SGCD: variants seen among roughly 807,000 people sequenced by gnomAD.
The protein encoded by SGCD is sarcoglycan delta, also known as delta-sarcoglycan.
SGCD carries 18 observed loss-of-function variants against 36.6 expected under a neutral mutation model. The observed-to-expected ratio is 0.49, with a 90% confidence interval of 0.34 to 0.73. The LOEUF (loss-of-function observed/expected upper bound fraction) is 0.73, where lower values mean the gene tolerates loss of function less well. Among genes scored for constraint, SGCD ranks in the 30% least tolerant of loss-of-function variants. The probability of loss-of-function intolerance (pLI) is 0.01; values close to 1 mark genes in which losing one functional copy is unlikely to be tolerated. For synonymous variants in SGCD, 133 were observed against 130.6 expected, an observed-to-expected ratio of 1.02 and a Z score of -0.12; for missense variants, 387 against 346.7, an observed-to-expected ratio of 1.12 and a Z score of -0.92.
At chr5:155,924,538 G>A (rs2113380117) in intron 1 of SGCD, among the ~76,000 whole-genome samples, 1 of 152,302 alleles carries the variant, frequency 6.6e-6, no homozygotes, top group South Asian at 2.1e-4. Context: ...GATAAAACAT[G>A]AAATTGGGAA....
intron 7 of SGCD, among the ~76,000 whole-genome samples, chr5:156,655,989 T>C (rs1158572963): frequency 6.6e-6 from 1 of 152,128 alleles, no homozygotes; most frequent in Non-Finnish European, 1.5e-5. Flanking sequence ...CTGTAAAGTT[T>C]CCTTGTAGGA....
the SGCD span, among the ~76,000 whole-genome samples, chr5:155,849,747 T>C: frequency 6.6e-6 from 1 of 152,220 alleles, no homozygotes; most frequent in Non-Finnish European, 1.5e-5. Flanking sequence ...CATTCCATTA[T>C]GTCAGACAGT....
At chr5:156,279,287 A>G (rs1039518722) in intron 3 of SGCD, among the ~76,000 whole-genome samples, 1 of 152,196 alleles carries the variant, frequency 6.6e-6, no homozygotes, top group Non-Finnish European at 1.5e-5. Flanking sequence ...TAAAATTTAC[A>G]TGTGACAAAT....
chr5:155,752,566 C>T, the SGCD span, among the ~76,000 whole-genome samples: 1 of 152,158 alleles, frequency 6.6e-6, no homozygotes, highest in Admixed American at 6.6e-5. Flanking sequence ...CAGTTACTTC[C>T]CCATTTTCCT....
intron 1 of SGCD, among the ~76,000 whole-genome samples, chr5:156,074,015 A>G (rs10475666): frequency 0.019 from 2,819 of 152,346 alleles, 80 homozygotes; most frequent in African/African-American, 0.064. Context: ...GAGTAGAAGT[A>G]GAGAGGTTGT....
intron 1 of SGCD, among the ~76,000 whole-genome samples, chr5:155,963,183 G>A (rs954585530): frequency 3.9e-5 from 6 of 151,954 alleles, no homozygotes; most frequent in Middle Eastern, 3.2e-3. Flanking sequence ...CACTGTGCCC[G>A]GATCTTCAGC....
intron 3 of SGCD, among the ~76,000 whole-genome samples, chr5:156,347,969 G>T (rs995199605): frequency 6.6e-6 from 1 of 152,142 alleles, no homozygotes; most frequent in African/African-American, 2.4e-5. Context: ...GGCATAATTG[G>T]TACTTTATAG....
At chr5:156,603,604 A>AT in intron 6 of SGCD, among the ~76,000 whole-genome samples, 1 of 151,992 alleles carries the variant, frequency 6.6e-6, no homozygotes, top group Non-Finnish European at 1.5e-5. Context: ...AGGCTTTGGC[A>AT]TGATGTGTTT....
chr5:156,083,658 C>G (rs1349625453), intron 1 of SGCD, among the ~76,000 whole-genome samples: 1 of 151,254 alleles, frequency 6.6e-6, no homozygotes, highest in Non-Finnish European at 1.5e-5. Flanking sequence ...GACTCTTTTC[C>G]AAGGCCTAGA....
chr5:155,990,432 T>C (rs1159847451), intron 1 of SGCD, among the ~76,000 whole-genome samples: 1 of 152,194 alleles, frequency 6.6e-6, no homozygotes, highest in East Asian at 1.9e-4. Flanking sequence ...CTGTTTTCGG[T>C]AAGGAAAGCA....
At chr5:155,770,624 A>G in the SGCD span, among the ~76,000 whole-genome samples, 1 of 152,030 alleles carries the variant, frequency 6.6e-6, no homozygotes, top group Non-Finnish European at 1.5e-5. Flanking sequence ...GGTTTGAAGC[A>G]GGGAGGTGAG....
In SGCD at chr5:156,763,658, A is replaced by T. The variant is rs1397822814; in HGVS notation, c.*4268A>T. 2.0e-5 allele frequency: 3 copies of T among 152,122 alleles called. No homozygotes were observed. Among genetic ancestry groups the T allele is most frequent in the African/African-American group, 7.2e-5 (3 of 41,424 alleles). The allele number at this position is 152,122 out of a possible 1,614,324, so 9.4% of individuals were successfully genotyped here. A position where few individuals can be genotyped will look rare whatever the true frequency, so the allele number is the denominator to read the frequency against. On this transcript the variant is annotated 3_prime_UTR_variant, in exon 9 of 9. Coordinates refer to ENST00000337851, the MANE Select transcript of SGCD (RefSeq NM_000337.6). ...GTGTGGTAAGGCAGGTTCCTATCAG[A>T]CATTTATCCCTTTGGTCAAGATCCC...
At chr5:156,689,498 T>C (rs1323243544) in intron 7 of SGCD, among the ~76,000 whole-genome samples, 1 of 151,994 alleles carries the variant, frequency 6.6e-6, no homozygotes, top group Non-Finnish European at 1.5e-5. Flanking sequence ...GCAAAGGAGA[T>C]CAAGGGGGAA....
intron 3 of SGCD, among the ~76,000 whole-genome samples, chr5:156,135,582 A>G (rs938624462): frequency 1.3e-5 from 2 of 151,858 alleles, no homozygotes; most frequent in Admixed American, 1.3e-4. Context: ...GCTTCCAGTT[A>G]CTTTTTCCTT....
At chr5:156,315,287 A>G (rs567125194) in intron 3 of SGCD, among the ~76,000 whole-genome samples, 2 of 150,962 alleles carry the variant, frequency 1.3e-5, no homozygotes, top group South Asian at 2.1e-4. Flanking sequence ...TAGATTCCAC[A>G]TATAAGTAGA....
chr5:156,003,009 T>C lies in SGCD; in HGVS notation c.-281-114869T>C, dbSNP rs114875815. ...AGAATAAACTCCACAGTTTTTGCCA[T>C]GGTCAAGGAATCTCTGCATAGGGGT... On this transcript the variant is annotated intron_variant, in intron 1 of 9. Transcript: ENST00000517913. 5.5e-3 allele frequency among the ~76,000 whole-genome samples: 841 copies of C among 152,332 alleles called. 14 individuals are homozygous for C. The highest frequency in any genetic ancestry group is 0.019 in the African/African-American group (788 of 41,572).
At chr5:156,625,787 C>T (rs1762417920) in intron 6 of SGCD, among the ~76,000 whole-genome samples, 2 of 152,110 alleles carry the variant, frequency 1.3e-5, no homozygotes, top group Admixed American at 6.5e-5. Context: ...GATTGTAAGC[C>T]CTGACATATG....
the SGCD span, among the ~76,000 whole-genome samples, chr5:155,849,297 C>T: frequency 6.6e-6 from 1 of 152,084 alleles, no homozygotes; most frequent in Admixed American, 6.6e-5. Flanking sequence ...AGTTCACCAA[C>T]TGAAATATTA....
chr5:156,496,840 A>T (rs1400304373), intron 3 of SGCD, among the ~76,000 whole-genome samples: 4 of 152,120 alleles, frequency 2.6e-5, no homozygotes, highest in Non-Finnish European at 5.9e-5. Context: ...TGTATCCCTG[A>T]GTGACTACCC....
Sources: allele counts gnomAD v4.1 joint callset (sites outside exome capture counted in the v4.1 genomes callset), GRCh38; gene constraint gnomAD v4.1.1; transcripts MANE v1.5; gene names NCBI Gene and HGNC (gene_info 2026-07-23, HGNC 2026-07-21).